The following JPT1 variants were observed in gnomAD, a reference collection of about 807,000 sequenced individuals.
JPT1 encodes the protein androgen-regulated protein 2.
A neutral mutation model predicts 17.0 loss-of-function variants in JPT1; 5 were observed. The observed-to-expected ratio is 0.29, with a 90% confidence interval of 0.15 to 0.62. JPT1 has a LOEUF of 0.62. JPT1 is among the 20% of genes least tolerant of loss of function. JPT1 has a pLI of 0.85. For synonymous variants in JPT1, 71 were observed against 73.6 expected, an observed-to-expected ratio of 0.96 and a Z score of 0.18; for missense variants, 158 against 188.1, an observed-to-expected ratio of 0.84 and a Z score of 0.94.
intron 4 of JPT1, among the ~76,000 whole-genome samples, chr17:75,142,514 G>C (rs891944054): frequency 6.8e-6 from 1 of 146,906 alleles, no homozygotes; most frequent in Non-Finnish European, 1.5e-5. Context: ...AGCCGTGATC[G>C]TGCCACTACA....
intron 4 of JPT1, among the ~76,000 whole-genome samples, chr17:75,140,565 G>A (rs573398033): frequency 5.9e-5 from 9 of 152,234 alleles, no homozygotes; most frequent in Non-Finnish European, 8.8e-5. Context: ...CCATTCCTGC[G>A]TTTAATTGCC....
chr17:75,148,235 T>A (rs1164571733), intron 2 of JPT1, among the ~76,000 whole-genome samples: 1 of 152,164 alleles, frequency 6.6e-6, no homozygotes, highest in Non-Finnish European at 1.5e-5. Flanking sequence ...CAAAACCAGC[T>A]GTAGTTGGTT....
At chr17:75,147,747 T>G in intron 2 of JPT1, 94 bp from the exon 3 acceptor site, 1 of 989,324 alleles carries the variant, frequency 1.0e-6, no homozygotes, top group Non-Finnish European at 1.6e-6. Flanking sequence ...GCCTGTAATC[T>G]CAGTGCTTTA....
chr17:75,149,390 C>T (rs112459875), intron 1 of JPT1, among the ~76,000 whole-genome samples: 8 of 151,940 alleles, frequency 5.3e-5, no homozygotes. Context: ...TTTTTTGAGA[C>T]GGAGTCTCCC....
Position 75,135,864 on chromosome 17 carries a change from G to A in JPT1, c.*238C>T. The A allele has an allele frequency of 1.3e-6, 1 of 757,498 alleles. No individual in the cohort carries two copies. The highest frequency in any genetic ancestry group is 2.9e-5 in the Admixed American group (1 of 34,768). 46.9% of individuals were successfully genotyped at this position (757,498 alleles called of 1,614,324 possible). A position where few individuals can be genotyped will look rare whatever the true frequency, so the allele number is the denominator to read the frequency against. ...TTTCTTCTTAAAAACACAGTACTAA[G>A]TGTCACAAAGCTTTCCCTCCAATCT... On this transcript the variant is annotated 3_prime_UTR_variant, in exon 5 of 5. Coordinates refer to ENST00000409753, the MANE Select transcript of JPT1 (RefSeq NM_016185.4).
At position 75,136,223 on chromosome 17, in the gene JPT1, C is replaced by T; in HGVS notation, c.344G>A (p.Ser115Asn). 6.2e-7 allele frequency: 1 copy of T among 1,601,882 alleles called. No individual in the cohort carries two copies. Among genetic ancestry groups the T allele is most frequent in the Non-Finnish European group, 8.5e-7 (1 of 1,172,164 alleles). Residue 115 changes from serine (S) to asparagine (N), a missense_variant, in exon 5 of 5, where the codon AGC (serine) becomes AAC (asparagine). Transcript: ENST00000409753. ...GGGCTTCTCTTCACTCTGCCCCAGG[C>T]TGCCTGGCAAGTCTGTGTCCACATT... ...HENVDTDLPG[S>N]LGQSEEKPVP...
intron 2 of JPT1, 93 bp downstream of exon 2, chr17:75,148,436 G>C: frequency 6.8e-7 from 1 of 1,466,228 alleles, no homozygotes; most frequent in Non-Finnish European, 9.3e-7. Flanking sequence ...TTGTTTTTTA[G>C]ACACGGGGGC....
chr17:75,140,376 C>T (rs1320102309), intron 4 of JPT1, among the ~76,000 whole-genome samples: 1 of 151,866 alleles, frequency 6.6e-6, no homozygotes, highest in East Asian at 1.9e-4. Flanking sequence ...GATAACTGAA[C>T]AAAGACATCT....
chr17:75,143,201 CCTT>C (rs1568031821), intron 4 of JPT1, among the ~76,000 whole-genome samples: 1 of 152,152 alleles, frequency 6.6e-6, no homozygotes, highest in Non-Finnish European at 1.5e-5. Flanking sequence ...TGAAATCAAA[CCTT>C]TTTTGTCTAA....
At chr17:75,150,856 T>C (rs1410076146) in intron 1 of JPT1, among the ~76,000 whole-genome samples, 7 of 139,946 alleles carry the variant, frequency 5.0e-5, no homozygotes, top group East Asian at 4.1e-4. Flanking sequence ...TCTTTTTTTT[T>C]TTTTTTTTTT....
chr17:75,148,676 A>G lies in JPT1; in HGVS notation c.57-5T>C. The G allele has an allele frequency of 6.2e-7, 1 of 1,613,652 alleles. No homozygotes were observed. Among genetic ancestry groups the G allele is most frequent in the East Asian group, 2.2e-5 (1 of 44,888 alleles). On this transcript the variant is annotated splice_polypyrimidine_tract_variant and splice_region_variant and intron_variant, in intron 1 of 4. Transcript: ENST00000409753. ...CCACCTGGAGGCCGCAAAACTCTGC[A>G]AATAATGGCAAAACATCAACTTCAG...
chr17:75,154,450 G>T lies in JPT1; in HGVS notation c.-53C>A. 6.7e-7 allele frequency: 1 copy of T among 1,502,594 alleles called. No individual in the cohort carries two copies. 93.1% of individuals were successfully genotyped at this position (1,502,594 alleles called of 1,614,324 possible). A position where few individuals can be genotyped will look rare whatever the true frequency, so the allele number is the denominator to read the frequency against. On this transcript the variant is annotated 5_prime_UTR_variant, in exon 1 of 5. Coordinates refer to ENST00000409753, the MANE Select transcript of JPT1 (RefSeq NM_016185.4). ...CCGGAGCAGAACGCTCAAAGGGTCG[G>T]ACCCGAGGGGCGCTGGGAAACTCCA...
intron 1 of JPT1, among the ~76,000 whole-genome samples, chr17:75,152,727 C>T (rs1252672576): frequency 6.6e-6 from 1 of 152,136 alleles, no homozygotes; most frequent in East Asian, 1.9e-4. Flanking sequence ...TGAAGTCTAA[C>T]CGGCAGAAAG....
At chr17:75,143,021 C>A (rs1002219577) in intron 4 of JPT1, among the ~76,000 whole-genome samples, 5 of 152,142 alleles carry the variant, frequency 3.3e-5, no homozygotes, top group African/African-American at 1.2e-4. Context: ...TTTGTGACCT[C>A]CTGTCCTCCT....
chr17:75,143,431 C>T (rs1441474523), intron 4 of JPT1, among the ~76,000 whole-genome samples: 1 of 152,038 alleles, frequency 6.6e-6, no homozygotes, highest in Admixed American at 6.6e-5. Flanking sequence ...TAGTAGCGTG[C>T]ACCTGTAATC....
chr17:75,136,820 G>C (rs1485846498), intron 4 of JPT1, among the ~76,000 whole-genome samples: 1 of 152,114 alleles, frequency 6.6e-6, no homozygotes, highest in African/African-American at 2.4e-5. Context: ...AATAAGAACA[G>C]GGAACTCTAG....
At chr17:75,140,529 T>A (rs1344991173) in intron 4 of JPT1, among the ~76,000 whole-genome samples, 1 of 152,186 alleles carries the variant, frequency 6.6e-6, no homozygotes, top group Non-Finnish European at 1.5e-5. Flanking sequence ...TTTCTCAAGA[T>A]GGAAACTCCA....
chr17:75,152,620 T>C (rs1297257181), intron 1 of JPT1, among the ~76,000 whole-genome samples: 1 of 152,218 alleles, frequency 6.6e-6, no homozygotes, highest in Non-Finnish European at 1.5e-5. Flanking sequence ...AGTGTGAGGA[T>C]TCATTTGACC....
chr17:75,140,768 G>A (rs1265372903), intron 4 of JPT1, among the ~76,000 whole-genome samples: 2 of 152,050 alleles, frequency 1.3e-5, no homozygotes, highest in African/African-American at 4.8e-5. Flanking sequence ...CCAGCCGGGG[G>A]AAACATAGCA....
Sources: gnomAD v4.1 joint callset for allele counts (sites outside exome capture counted in the v4.1 genomes callset) on GRCh38, gnomAD v4.1.1 for gene constraint, MANE v1.5 for transcripts, NCBI Gene and HGNC (gene_info 2026-07-23, HGNC 2026-07-21) for gene names.